GABRB1: variants seen among roughly 807,000 people sequenced by gnomAD.
GABRB1 encodes gamma-aminobutyric acid type A receptor subunit beta1.
GABRB1 carries 17 observed loss-of-function variants against 51.6 expected under a neutral mutation model. The observed-to-expected ratio is 0.33, with a 90% CI of 0.23 to 0.49. GABRB1 has a LOEUF of 0.49. GABRB1 is among the 20% of genes least tolerant of loss of function. The pLI is 0.99. For synonymous variants in GABRB1, 247 were observed against 218.9 expected, an observed-to-expected ratio of 1.13 and a Z score of -1.14; for missense variants, 410 against 600.6, an observed-to-expected ratio of 0.68 and a Z score of 3.32.
intron 3 of GABRB1, among the ~76,000 whole-genome samples, chr4:47,145,063 A>G (rs970867898): frequency 2.6e-5 from 4 of 151,994 alleles, no homozygotes; most frequent in Admixed American, 2.0e-4. Context: ...GACCTTCAAG[A>G]ACAGAAAAAA....
intron 4 of GABRB1, among the ~76,000 whole-genome samples, chr4:47,270,433 G>T (rs778834993): frequency 6.6e-6 from 1 of 152,154 alleles, no homozygotes; most frequent in Non-Finnish European, 1.5e-5. Flanking sequence ...AGCACAGCAA[G>T]GTCAGCCCAG....
intron 3 of GABRB1, among the ~76,000 whole-genome samples, chr4:47,092,697 C>A (rs1728377868): frequency 6.6e-6 from 1 of 151,728 alleles, no homozygotes; most frequent in African/African-American, 2.4e-5. Flanking sequence ...ACTGCAACCC[C>A]CACCTCCCAG....
chr4:47,255,751 A>T (rs1722173569), intron 4 of GABRB1, among the ~76,000 whole-genome samples: 1 of 152,232 alleles, frequency 6.6e-6, no homozygotes, highest in African/African-American at 2.4e-5. Context: ...AATGTTTCAT[A>T]TAAAGCCTGA....
At chr4:47,153,428 G>A (rs1490764738) in intron 3 of GABRB1, among the ~76,000 whole-genome samples, 4 of 152,042 alleles carry the variant, frequency 2.6e-5, no homozygotes, top group African/African-American at 4.8e-5. Context: ...TGTGTGAAAT[G>A]TAAATTTTAT....
At chr4:47,305,624 A>G (rs1334971614) in intron 4 of GABRB1, among the ~76,000 whole-genome samples, 1 of 152,156 alleles carries the variant, frequency 6.6e-6, no homozygotes, top group African/African-American at 2.4e-5. Context: ...AAATAAATGA[A>G]TGTGTAATTG....
rs1447370078 is a variant in GABRB1 at position 47,243,391 on chromosome 4, A to C, written c.462-76736A>C. 7.2e-5 allele frequency among the ~76,000 whole-genome samples: 11 copies of C among 152,312 alleles called. No homozygotes were observed. In the East Asian group the frequency reaches 1.9e-3, roughly 27 times the overall value. ...GCGGGCTCTTTTTTGGTTCCATATGAACTTTAAAGTAGTTTTTTCCAATTC... is the reference window on the plus strand; with the variant it reads ...GCGGGCTCTTTTTTGGTTCCATATGCACTTTAAAGTAGTTTTTTCCAATTC... On this transcript the variant is annotated intron_variant, in intron 4 of 8. Coordinates refer to ENST00000295454, the MANE Select transcript of GABRB1 (RefSeq NM_000812.4).
At chr4:47,323,673 CTT>C (rs969310008) in intron 5 of GABRB1, among the ~76,000 whole-genome samples, 4 of 152,166 alleles carry the variant, frequency 2.6e-5, no homozygotes, top group Admixed American at 2.6e-4. Flanking sequence ...AGAGTGGAAA[CTT>C]TGCCTGCATC....
intron 5 of GABRB1, among the ~76,000 whole-genome samples, chr4:47,401,554 G>A (rs550715257): frequency 1.2e-4 from 19 of 152,112 alleles, no homozygotes; most frequent in Non-Finnish European, 2.5e-4. Context: ...GGCTGAGGGG[G>A]GAAAGAAAAT....
chr4:47,404,011 G>A (rs1340573401), intron 7 of GABRB1, among the ~76,000 whole-genome samples: 1 of 152,098 alleles, frequency 6.6e-6, no homozygotes, highest in Non-Finnish European at 1.5e-5. Context: ...TACTAACTTT[G>A]GGATGACTTC....
chr4:47,016,777 A>C (rs977700823), intron 1 of GABRB1, among the ~76,000 whole-genome samples: 1 of 151,918 alleles, frequency 6.6e-6, no homozygotes, highest in African/African-American at 2.4e-5. Flanking sequence ...TTTAGTAGAG[A>C]CAGGGTTTCA....
chr4:47,291,295 G>T (rs1290013954), intron 4 of GABRB1, among the ~76,000 whole-genome samples: 1 of 152,230 alleles, frequency 6.6e-6, no homozygotes, highest in Non-Finnish European at 1.5e-5. Flanking sequence ...AAGAATTGAG[G>T]TATGGGAACC....
intron 3 of GABRB1, among the ~76,000 whole-genome samples, chr4:47,058,808 C>T (rs78665078): frequency 0.029 from 4,474 of 152,254 alleles, 131 homozygotes; most frequent in East Asian, 0.15. Flanking sequence ...CATTGACATT[C>T]TTGTCCACCC....
chr4:47,021,314 G>A (rs1034929690), intron 1 of GABRB1, among the ~76,000 whole-genome samples: 1 of 152,100 alleles, frequency 6.6e-6, no homozygotes, highest in African/African-American at 2.4e-5. Flanking sequence ...ATAAGTAAGA[G>A]ACATTAGTAA....
intron 1 of GABRB1, among the ~76,000 whole-genome samples, chr4:46,998,130 A>C (rs946281470): frequency 1.3e-5 from 2 of 152,218 alleles, no homozygotes; most frequent in Non-Finnish European, 2.9e-5. Context: ...TGCTGTCAAA[A>C]TAAGAATTTT....
upstream of GABRB1, chr4:47,031,341 A>G: frequency 2.7e-6 from 1 of 367,528 alleles, no homozygotes; most frequent in Non-Finnish European, 5.0e-6. Flanking sequence ...GCAGAAATGA[A>G]ATCAACATAG....
At chr4:47,414,836 A>G (rs967753625) in intron 8 of GABRB1, among the ~76,000 whole-genome samples, 8 of 152,150 alleles carry the variant, frequency 5.3e-5, no homozygotes, top group African/African-American at 1.9e-4. Flanking sequence ...TTGTAAAGGT[A>G]TACAGCTCTG....
chr4:47,011,281 T>A (rs1407047174), intron 1 of GABRB1, among the ~76,000 whole-genome samples: 2 of 152,084 alleles, frequency 1.3e-5, no homozygotes, highest in Non-Finnish European at 2.9e-5. Flanking sequence ...GCCACAGGTA[T>A]GAGCTGGACC....
chr4:47,386,139 T>C (rs990766493), intron 5 of GABRB1, among the ~76,000 whole-genome samples: 1 of 152,168 alleles, frequency 6.6e-6, no homozygotes, highest in Non-Finnish European at 1.5e-5. Context: ...GTGGGGACTG[T>C]GAAAGTTTCA....
chr4:47,308,221 A>G (rs1724538870), intron 4 of GABRB1, among the ~76,000 whole-genome samples: 1 of 152,092 alleles, frequency 6.6e-6, no homozygotes, highest in Non-Finnish European at 1.5e-5. Context: ...ATCTGATATT[A>G]AGATTCAATG....
Sources: gnomAD v4.1 joint callset for allele counts (sites outside exome capture counted in the v4.1 genomes callset) on GRCh38, gnomAD v4.1.1 for gene constraint, MANE v1.5 for transcripts, NCBI Gene and HGNC (gene_info 2026-07-23, HGNC 2026-07-21) for gene names.